The following MEGF6 variants were observed in gnomAD, a reference collection of about 807,000 sequenced individuals.
MEGF6 encodes multiple epidermal growth factor-like domains protein 6.
A neutral mutation model predicts 207.1 loss-of-function variants in MEGF6; 184 were observed. The ratio of observed to expected loss-of-function variants is 0.89; its 90% CI spans 0.79 to 1.00. The LOEUF (loss-of-function observed/expected upper bound fraction) is 1.00, where lower values mean the gene tolerates loss of function less well. Among genes scored for constraint, MEGF6 ranks in the 50% least tolerant of loss-of-function variants. The pLI, the probability that MEGF6 is intolerant of heterozygous loss-of-function variation, is 0.00. For synonymous variants in MEGF6, 1,038 were observed against 910.0 expected, an observed-to-expected ratio of 1.14 and a Z score of -2.53; for missense variants, 2,282 against 2,202.9, an observed-to-expected ratio of 1.04 and a Z score of -0.72.
intron 4 of MEGF6, among the ~76,000 whole-genome samples, chr1:3,537,559 C>T (rs1037342227): frequency 3.3e-5 from 5 of 152,228 alleles, no homozygotes; most frequent in African/African-American, 4.8e-5. Context: ...CGGGGGGCAC[C>T]GGGCCCTGGG....
At chr1:3,615,181 A>G (rs1230562454), upstream of MEGF6, among the ~76,000 whole-genome samples, 1 of 152,236 alleles carries the variant, frequency 6.6e-6, no homozygotes, top group Non-Finnish European at 1.5e-5. Context: ...CAATTGCCTT[A>G]AATGTATGCA....
chr1:3,504,056 G>C (rs1025763817), intron 17 of MEGF6, among the ~76,000 whole-genome samples: 4 of 152,122 alleles, frequency 2.6e-5, no homozygotes, highest in Non-Finnish European at 5.9e-5. Context: ...GTGGGGAGGG[G>C]AAGGGCCCAT....
chr1:3,617,847 C>A, the MEGF6 span, among the ~76,000 whole-genome samples: 2 of 152,118 alleles, frequency 1.3e-5, no homozygotes, highest in Non-Finnish European at 1.5e-5. Flanking sequence ...TGTCCATGAG[C>A]CAAGGGGAAC....
Position 3,578,082 on chromosome 1 carries a change from C to A in MEGF6, c.481+1743G>T, listed in dbSNP as rs115515002. On this transcript the variant is annotated intron_variant, in intron 4 of 36. Transcript: ENST00000356575. ...GGGCAGAAGGCCAGCCCTGAGGGGG[C>A]AGGTCAGGTGTCCTCCCTCCCCTCC... 6.1e-3 allele frequency among the ~76,000 whole-genome samples: 931 copies of A among 152,274 alleles called. 13 individuals are homozygous for A. Among genetic ancestry groups the A allele is most frequent in the African/African-American group, 0.021 (873 of 41,562 alleles).
At chr1:3,511,914 G>A (rs1054493710) in intron 8 of MEGF6, 92 bp downstream of exon 8, 1 of 1,577,082 alleles carries the variant, frequency 6.3e-7, no homozygotes, top group South Asian at 1.1e-5. Context: ...TGACAAGGAA[G>A]CCCTGCCCTT....
intron 1 of MEGF6, among the ~76,000 whole-genome samples, chr1:3,609,382 GC>G (rs1417911755): frequency 6.6e-6 from 1 of 152,224 alleles, no homozygotes; most frequent in Non-Finnish European, 1.5e-5. Flanking sequence ...GCACGTCCAG[GC>G]ACGTGCCAGG....
the MEGF6 span, among the ~76,000 whole-genome samples, chr1:3,621,284 G>A: frequency 6.6e-6 from 1 of 152,210 alleles, no homozygotes; most frequent in Non-Finnish European, 1.5e-5. Flanking sequence ...ACCACGGTCC[G>A]CTTGGTAACA....
At chr1:3,501,643 C>T (rs539497202) in intron 18 of MEGF6, among the ~76,000 whole-genome samples, 153 bp downstream of exon 18, 1 of 152,094 alleles carries the variant, frequency 6.6e-6, no homozygotes, top group Admixed American at 6.5e-5. Flanking sequence ...ACAGACCCCC[C>T]CTCCCTACCC....
chr1:3,516,533 G>A (rs1026053452), intron 5 of MEGF6, among the ~76,000 whole-genome samples: 3 of 152,340 alleles, frequency 2.0e-5, no homozygotes, highest in South Asian at 2.1e-4. Context: ...TTGAGATGCC[G>A]CCTCCTCTGG....
At chr1:3,564,431 C>T (rs59425749) in intron 4 of MEGF6, among the ~76,000 whole-genome samples, 1,775 of 152,170 alleles carry the variant, frequency 0.012, 45 homozygotes, top group African/African-American at 0.041. Flanking sequence ...ATTGTAAGAC[C>T]CATGGGAAGG....
chr1:3,499,487 G>T (rs1640757785), intron 23 of MEGF6, 101 bp downstream of exon 23: 12 of 1,495,052 alleles, frequency 8.0e-6, no homozygotes, highest in Middle Eastern at 2.4e-4. Context: ...GGGTTGCCTG[G>T]TAGCTTCAGA....
Position 3,573,324 on chromosome 1 carries a change from C to T in MEGF6, c.481+6501G>A, listed in dbSNP as rs376891102. 5.3e-5 allele frequency among the ~76,000 whole-genome samples: 8 copies of T among 152,314 alleles called. 1 individual carries two copies. In the South Asian group the frequency reaches 1.7e-3, roughly 32 times the overall value. On this transcript the variant is annotated intron_variant, in intron 4 of 36. Transcript: ENST00000356575. This position sits in a 1 kb window ranked among gnomAD's most constrained non-coding sequence, Gnocchi z 5.1. Reference sequence around the variant, plus strand: ...GGCATGCTAGGATCATTTCTCACACCAGACACAAAAAGCCTCCCCCAGGGT... The same window carrying T: ...GGCATGCTAGGATCATTTCTCACACTAGACACAAAAAGCCTCCCCCAGGGT...
intron 2 of MEGF6, among the ~76,000 whole-genome samples, chr1:3,595,774 G>A (rs60835757): frequency 0.041 from 6,180 of 152,186 alleles, 226 homozygotes; most frequent in East Asian, 0.11. Context: ...GCGTTGGGAC[G>A]CACATCTCAC....
At chr1:3,503,098 C>T (rs1640967962) in intron 17 of MEGF6, among the ~76,000 whole-genome samples, 1 of 152,130 alleles carries the variant, frequency 6.6e-6, no homozygotes, top group South Asian at 2.1e-4. Flanking sequence ...GGGAGGAGCA[C>T]CGGTAATACA....
chr1:3,503,651 C>A (rs1394100678), intron 17 of MEGF6, among the ~76,000 whole-genome samples: 1 of 151,942 alleles, frequency 6.6e-6, no homozygotes, highest in Non-Finnish European at 1.5e-5. Context: ...TGTCTGCATG[C>A]ACCTGCCTGC....
At chr1:3,526,598 C>T (rs1641973356) in intron 4 of MEGF6, among the ~76,000 whole-genome samples, 1 of 152,136 alleles carries the variant, frequency 6.6e-6, no homozygotes, top group South Asian at 2.1e-4. Flanking sequence ...AGGGTTTCGC[C>T]ATGTTGGCCA....
In MEGF6 at chr1:3,511,914, G is replaced by C. The variant is rs1054493710; in HGVS notation, c.976+92C>G. On this transcript the variant is annotated intron_variant, in intron 8 of 36. Coordinates refer to ENST00000356575, the MANE Select transcript of MEGF6 (RefSeq NM_001409.4). ...AGGGCTGCCCCTGATTGACAAGGAA[G>C]CCCTGCCCTTCAGCCAAAGCAGGCC... 3.2e-6 allele frequency: 5 copies of C among 1,576,964 alleles called. No homozygotes were observed. In the African/African-American group the frequency reaches 6.7e-5, roughly 21 times the overall value.
chr1:3,496,219 G>A (rs558633762), intron 29 of MEGF6, among the ~76,000 whole-genome samples: 24 of 152,280 alleles, frequency 1.6e-4, no homozygotes, highest in Non-Finnish European at 2.8e-4. Flanking sequence ...GGCCACTGCC[G>A]CCTGCTCTGC....
At chr1:3,616,617 A>G in the MEGF6 span, among the ~76,000 whole-genome samples, 1 of 152,254 alleles carries the variant, frequency 6.6e-6, no homozygotes, top group African/African-American at 2.4e-5. Context: ...CCAGATAGCA[A>G]AGGATCGCAC....
Sources: allele counts gnomAD v4.1 joint callset (sites outside exome capture counted in the v4.1 genomes callset), GRCh38; gene constraint gnomAD v4.1.1; non-coding constraint Gnocchi (gnomAD v3.1); transcripts MANE v1.5; gene names NCBI Gene and HGNC (gene_info 2026-07-23, HGNC 2026-07-21).